RERE: variants seen among roughly 807,000 people sequenced by gnomAD.
RERE encodes the protein arginine-glutamic acid dipeptide repeats protein.
Under a neutral mutation model 146.1 loss-of-function variants are expected in RERE, and 40 were observed. The ratio of observed to expected loss-of-function variants is 0.27; its 90% CI spans 0.21 to 0.36. RERE has a LOEUF of 0.36. RERE is among the 10% of genes least tolerant of loss of function. RERE has a pLI of 1.00. For synonymous variants in RERE, 1,003 were observed against 866.0 expected, an observed-to-expected ratio of 1.16 and a Z score of -2.78; for missense variants, 1,933 against 2,138.7, an observed-to-expected ratio of 0.90 and a Z score of 1.90.
rs543907647 is a variant in RERE, at chr1:8,380,561, C to T, written c.1285-14587G>A. Among the ~76,000 whole-genome samples, 13 of 152,236 alleles carry T rather than the reference C, an allele frequency of 8.5e-5. No homozygotes were observed. The South Asian group carries it at 1.5e-3, about 17-fold the overall frequency. On this transcript the variant is annotated intron_variant, in intron 12 of 22. Coordinates refer to ENST00000400908, the MANE Select transcript of RERE (RefSeq NM_001042681.2). ...ATGGCGTTTCACCATGTTGACCAGG[C>T]TAGTCTCAAACTCCTGATCTCGTGA...
chr1:8,532,516 G>A lies in RERE; in HGVS notation c.830+8698C>T, dbSNP rs573939104. 5.3e-5 allele frequency among the ~76,000 whole-genome samples: 8 copies of A among 152,274 alleles called. No homozygotes were observed. The South Asian group carries it at 1.7e-3, about 32-fold the overall frequency. On this transcript the variant is annotated intron_variant, in intron 7 of 22. Transcript: ENST00000400908. Reference sequence around the variant, plus strand: ...GATCACTGCAACCTCCACCTCCTGGGTTCAATAGATTCTCCTGCCTCAGCC... The same window carrying A: ...GATCACTGCAACCTCCACCTCCTGGATTCAATAGATTCTCCTGCCTCAGCC...
rs537899862 is a variant in RERE, at chr1:8,703,150, C to CGCAGGCGG, written c.-144-46717_-144-46710dup. The CGCAGGCGG allele has an allele frequency of 7.1e-4, 108 of 152,240 alleles. 1 individual carries two copies. The highest frequency in any genetic ancestry group is 2.5e-3 in the African/African-American group (104 of 41,544). The allele number at this position is 152,240 out of a possible 1,614,324, so 9.4% of individuals were successfully genotyped here. On this transcript the variant is annotated intron_variant, in intron 1 of 22. Coordinates refer to ENST00000400908, the MANE Select transcript of RERE (RefSeq NM_001042681.2). ...ACTCCGGACCCGCGGAAAGGGGCGG[C>CGCAGGCGG]GCAGGCGGGCAGGTGGGGGCCCGGG...
chr1:8,398,800 T>C (rs1337018844), intron 12 of RERE, among the ~76,000 whole-genome samples: 1 of 152,058 alleles, frequency 6.6e-6, no homozygotes, highest in African/African-American at 2.4e-5. Context: ...ATCGAAAAAT[T>C]TGCTATTTTT....
chr1:8,355,462 G>C lies in RERE; in HGVS notation c.4624C>G (p.His1542Asp). The change falls in exon 22 of 23, where the codon CAC (histidine) becomes GAC (aspartate). Residue 1542 changes from histidine to aspartate, a missense_variant. Transcript: ENST00000400908. ...MEQQWLHGHPHMHGGHLPSQE... is the reference protein window; with the variant it reads ...MEQQWLHGHPDMHGGHLPSQE... ...CTTGGTAGGTGGCCACCATGCATGT[G>C]GGGGTGTCCATGCAGCCACTGCTGC... 1 of 1,612,974 alleles carries C rather than the reference G, an allele frequency of 6.2e-7. No individual in the cohort carries two copies. Among genetic ancestry groups the C allele is most frequent in the Admixed American group, 1.7e-5 (1 of 60,016 alleles).
intron 1 of RERE, among the ~76,000 whole-genome samples, chr1:8,677,404 C>A (rs369169001): frequency 2.5e-5 from 3 of 122,152 alleles, no homozygotes; most frequent in African/African-American, 1.0e-4. Flanking sequence ...CCAGCCTGGG[C>A]GACAGAGTGA....
chr1:8,607,158 C>G (rs1166268532), intron 4 of RERE, among the ~76,000 whole-genome samples: 1 of 151,946 alleles, frequency 6.6e-6, no homozygotes, highest in East Asian at 1.9e-4. Context: ...CCCAAGAGTT[C>G]GAGACCAGCC....
chr1:8,399,233 ATATAT>A (rs1643165093), intron 12 of RERE, among the ~76,000 whole-genome samples: 2 of 151,950 alleles, frequency 1.3e-5, no homozygotes, highest in South Asian at 4.1e-4. Flanking sequence ...ATATAGATAA[ATATAT>A]TATCATTTAC....
chr1:8,484,580 G>T (rs1022624009), intron 10 of RERE, among the ~76,000 whole-genome samples: 2 of 151,936 alleles, frequency 1.3e-5, no homozygotes, highest in Non-Finnish European at 2.9e-5. Flanking sequence ...CCACCATCAC[G>T]TCCAGCTAAT....
chr1:8,511,671 G>A (rs1645336996), intron 7 of RERE: 1 of 152,208 alleles, frequency 6.6e-6, no homozygotes, highest in South Asian at 2.1e-4. Flanking sequence ...TGGTGGGGAA[G>A]TGCCAGCATC....
intron 10 of RERE, among the ~76,000 whole-genome samples, chr1:8,483,511 C>T (rs915751812): frequency 4.6e-5 from 7 of 152,122 alleles, no homozygotes; most frequent in African/African-American, 1.7e-4. Context: ...GAAAATGATC[C>T]TTAGAATAGG....
intron 12 of RERE, among the ~76,000 whole-genome samples, chr1:8,394,020 T>G (rs77714886): frequency 2.0e-5 from 3 of 152,176 alleles, no homozygotes; most frequent in Non-Finnish European, 4.4e-5. Context: ...CTATACACCA[T>G]AACCCAAGAA....
intron 12 of RERE, among the ~76,000 whole-genome samples, chr1:8,372,943 G>T (rs980884126): frequency 1.3e-5 from 2 of 152,220 alleles, no homozygotes; most frequent in Non-Finnish European, 2.9e-5. Context: ...TCGGAGAGAA[G>T]GGGGATGAGG....
At chr1:8,580,703 TCTAG>T (rs1400968281) in intron 4 of RERE, among the ~76,000 whole-genome samples, 3 of 152,050 alleles carry the variant, frequency 2.0e-5, no homozygotes, top group African/African-American at 7.2e-5. Context: ...AAAACCTCGA[TCTAG>T]CTAGCTAGCT....
At chr1:8,497,227 A>C (rs138567959) in intron 9 of RERE, among the ~76,000 whole-genome samples, 178 bp downstream of exon 9, 1 of 152,334 alleles carries the variant, frequency 6.6e-6, no homozygotes, top group East Asian at 1.9e-4. Flanking sequence ...AAATTACTTC[A>C]AACTATTTTT....
chr1:8,444,236 TA>T (rs1644289334), intron 11 of RERE, among the ~76,000 whole-genome samples: 1 of 152,234 alleles, frequency 6.6e-6, no homozygotes, highest in African/African-American at 2.4e-5. Context: ...AGTCAAGGGC[TA>T]TTTTGGAGCT....
chr1:8,620,136 A>G (rs1646900332), intron 3 of RERE, among the ~76,000 whole-genome samples: 1 of 152,216 alleles, frequency 6.6e-6, no homozygotes, highest in South Asian at 2.1e-4. Flanking sequence ...GTGACCTATA[A>G]AAGCTATGGG....
chr1:8,692,932 A>C (rs900316038), intron 1 of RERE, among the ~76,000 whole-genome samples: 1 of 152,216 alleles, frequency 6.6e-6, no homozygotes, highest in Non-Finnish European at 1.5e-5. Context: ...AGTATGAGGC[A>C]CATGTAATGC....
At chr1:8,400,382 A>ACT (rs1643209441) in intron 12 of RERE, among the ~76,000 whole-genome samples, 8 of 152,036 alleles carry the variant, frequency 5.3e-5, no homozygotes, top group Admixed American at 1.3e-4. Context: ...CCTCCCAAGT[A>ACT]GTGGGACTAC....
Position 8,360,228 on chromosome 1 carries a change from G to C in RERE, c.3279C>G (p.Ile1093Met), listed in dbSNP as rs1359422492. ...GSSCPLPTVQ[I>M]KEEALDDAEE... Reference sequence around the variant, plus strand: ...CAGCGTCGTCCAGAGCCTCCTCCTTGATCTGGACGGTGGGGAGTGGGCAGG... The same window carrying C: ...CAGCGTCGTCCAGAGCCTCCTCCTTCATCTGGACGGTGGGGAGTGGGCAGG... Residue 1093 changes from isoleucine (I) to methionine (M), a missense_variant, in exon 18 of 23, where the codon ATC becomes ATG. Physicochemically the swap from Ile to Met is conservative, Grantham distance 10. This residue lies in a region of RERE where 1,255 missense variants were observed against 1,153.8 expected (regional missense o/e 1.09). Coordinates refer to ENST00000400908, the MANE Select transcript of RERE (RefSeq NM_001042681.2). 6.3e-7 allele frequency: 1 copy of C among 1,586,234 alleles called. No individual in the cohort carries two copies. Among genetic ancestry groups the C allele is most frequent in the Non-Finnish European group, 8.6e-7 (1 of 1,167,448 alleles).
Sources: gnomAD v4.1 joint callset for allele counts (sites outside exome capture counted in the v4.1 genomes callset) on GRCh38, gnomAD v4.1.1 for gene constraint, gnomAD v4.1.1 regional missense constraint, MANE v1.5 for transcripts, NCBI Gene and HGNC (gene_info 2026-07-23, HGNC 2026-07-21) for gene names.